Variants in RIC1 observed in about 807,000 individuals in gnomAD.
RIC1 encodes RIC1 partner of RAB6A GEF complex.
Under a neutral mutation model 169.0 loss-of-function variants are expected in RIC1, and 88 were observed. That is an observed-to-expected ratio of 0.52 (90% CI 0.44 to 0.62). The LOEUF is 0.62. Among genes scored for constraint, RIC1 ranks in the 20% least tolerant of loss-of-function variants. The probability of loss-of-function intolerance (pLI) is 0.00; values close to 1 mark genes in which losing one functional copy is unlikely to be tolerated. For synonymous variants in RIC1, 790 were observed against 601.5 expected (o/e 1.31, Z -4.59); for missense variants, 1,877 against 1,725.5 (o/e 1.09, Z -1.56).
chr9:5,674,103 T>C (rs546672082), intron 2 of RIC1, among the ~76,000 whole-genome samples: 1 of 152,234 alleles, frequency 6.6e-6, no homozygotes, highest in East Asian at 1.9e-4. Context: ...TGCTGTAAAA[T>C]ATAAGAGTTT....
chr9:5,740,618 G>T (rs960363024), intron 8 of RIC1, among the ~76,000 whole-genome samples: 1 of 151,142 alleles, frequency 6.6e-6, no homozygotes, highest in East Asian at 1.9e-4. Flanking sequence ...AGGGCAGGAA[G>T]CATCCAGCAC....
rs1037282874 is a variant in RIC1 at position 5,776,511 on chromosome 9, G to C, written c.*2265G>C. 7.9e-5 allele frequency: 12 copies of C among 152,094 alleles called. No homozygotes were observed. The highest frequency in any genetic ancestry group is 2.9e-4 in the African/African-American group (12 of 41,518). 9.4% of individuals were successfully genotyped at this position (152,094 alleles called of 1,614,324 possible). Reference sequence around the variant, plus strand: ...TTAAAGTTGCTGCTATTTCTGTAATGTGTATTTTTCTCCCCTTGGTAAAGG... The same window carrying C: ...TTAAAGTTGCTGCTATTTCTGTAATCTGTATTTTTCTCCCCTTGGTAAAGG... On this transcript the variant is annotated 3_prime_UTR_variant, in exon 26 of 26. Transcript: ENST00000414202.
At chr9:5,750,205 A>G (rs1320424401) in intron 12 of RIC1, among the ~76,000 whole-genome samples, 7 of 151,820 alleles carry the variant, frequency 4.6e-5, no homozygotes, top group African/African-American at 1.7e-4. Context: ...ACAGAACACA[A>G]AGTTTCTAGT....
At chr9:5,670,959 C>G (rs1228692525) in intron 2 of RIC1, among the ~76,000 whole-genome samples, 1 of 152,094 alleles carries the variant, frequency 6.6e-6, no homozygotes, top group Non-Finnish European at 1.5e-5. Context: ...AGGACCAGGA[C>G]CAGTTGGTGG....
chr9:5,654,340 G>T (rs371338105), intron 1 of RIC1, among the ~76,000 whole-genome samples: 24 of 152,044 alleles, frequency 1.6e-4, no homozygotes, highest in South Asian at 1.2e-3. Flanking sequence ...TCTGCCTCCC[G>T]GGTTCAAGCG....
chr9:5,663,515 T>G (rs1475968138), intron 2 of RIC1, among the ~76,000 whole-genome samples: 1 of 152,198 alleles, frequency 6.6e-6, no homozygotes, highest in Non-Finnish European at 1.5e-5. Flanking sequence ...TCCTATACTG[T>G]GTGTGCATAT....
chr9:5,778,004 T>C (rs1284515589), downstream of RIC1, among the ~76,000 whole-genome samples: 3 of 152,152 alleles, frequency 2.0e-5, no homozygotes, highest in Non-Finnish European at 4.4e-5. Context: ...ATAAAGGCAG[T>C]TGGGATTTTC....
rs1382630628 is a variant in RIC1, at chr9:5,775,795, A to C, written c.*1549A>C. On this transcript the variant is annotated 3_prime_UTR_variant, in exon 26 of 26. Coordinates refer to ENST00000414202, the MANE Select transcript of RIC1 (RefSeq NM_020829.4). ...TTACTTTTTACATTACAAGTGCAAT[A>C]ATATTTCACAAAATGAAACTCCCGA... 1 of 152,224 alleles carries C rather than the reference A, an allele frequency of 6.6e-6. No homozygotes were observed. The highest frequency in any genetic ancestry group is 1.5e-5 in the Non-Finnish European group (1 of 68,026). 9.4% of individuals were successfully genotyped at this position (152,224 alleles called of 1,614,324 possible). A position where few individuals can be genotyped will look rare whatever the true frequency, so the allele number is the denominator to read the frequency against.
At chr9:5,652,550 T>C (rs894638762) in intron 1 of RIC1, among the ~76,000 whole-genome samples, 2 of 152,186 alleles carry the variant, frequency 1.3e-5, no homozygotes, top group African/African-American at 2.4e-5. Context: ...TGTATATTGA[T>C]TTTGTATTCT....
rs137928352 is a variant in RIC1, at chr9:5,631,271, C to G, written c.144+1818C>G. On this transcript the variant is annotated intron_variant, in intron 1 of 25. Coordinates refer to ENST00000414202, the MANE Select transcript of RIC1 (RefSeq NM_020829.4). ...CCACCTCACATGCAACTTCCTTTTT[C>G]CACAGAAGTCCAGGGACCCCTACTA... 1.1e-4 allele frequency among the ~76,000 whole-genome samples: 17 copies of G among 152,256 alleles called. No homozygotes were observed. In the East Asian group the frequency reaches 2.1e-3, roughly 19 times the overall value.
In RIC1 at chr9:5,629,166, C is replaced by A. The variant is rs1002834169; in HGVS notation, c.-144C>A. 5.3e-5 allele frequency: 41 copies of A among 775,294 alleles called. No individual in the cohort carries two copies. The East Asian group carries it at 1.5e-3, about 28-fold the overall frequency. 48.0% of individuals were successfully genotyped at this position (775,294 alleles called of 1,614,324 possible). A position where few individuals can be genotyped will look rare whatever the true frequency, so the allele number is the denominator to read the frequency against. ...CGCGCAGCCTTGCGTCGGCCCGGCCCGGCCAGGCCAGCGGGCAGATGCCCC... is the reference window on the plus strand; with the variant it reads ...CGCGCAGCCTTGCGTCGGCCCGGCCAGGCCAGGCCAGCGGGCAGATGCCCC... On this transcript the variant is annotated 5_prime_UTR_variant, in exon 1 of 26. Coordinates refer to ENST00000414202, the MANE Select transcript of RIC1 (RefSeq NM_020829.4).
intron 6 of RIC1, among the ~76,000 whole-genome samples, chr9:5,731,249 C>G (rs1192370714): frequency 6.6e-6 from 1 of 151,988 alleles, no homozygotes; most frequent in Non-Finnish European, 1.5e-5. Context: ...ATGGTAACCA[C>G]CTAGAAAATA....
intron 12 of RIC1, among the ~76,000 whole-genome samples, chr9:5,750,107 T>C (rs989542774): frequency 1.3e-5 from 2 of 151,706 alleles, no homozygotes; most frequent in Non-Finnish European, 2.9e-5. Flanking sequence ...CCAGCCAAGG[T>C]GCTTTTTAAA....
intron 1 of RIC1, among the ~76,000 whole-genome samples, chr9:5,638,238 T>A (rs969286169): frequency 2.6e-5 from 4 of 152,210 alleles, no homozygotes; most frequent in Admixed American, 2.0e-4. Flanking sequence ...TATTGTTGAA[T>A]CTCATTAGCT....
intron 4 of RIC1, chr9:5,719,262 T>G (rs1317333877): frequency 6.6e-6 from 1 of 152,238 alleles, no homozygotes; most frequent in African/African-American, 2.4e-5. Context: ...TCTTCTTGCC[T>G]CCTTTGCACA....
intron 3 of RIC1, among the ~76,000 whole-genome samples, chr9:5,696,012 T>A (rs912286350): frequency 1.7e-4 from 26 of 152,306 alleles, no homozygotes; most frequent in African/African-American, 5.8e-4. Context: ...AACCTTTAAT[T>A]CTTTGTTTCT....
chr9:5,722,873 C>G (rs1337781062), intron 6 of RIC1, among the ~76,000 whole-genome samples: 1 of 152,196 alleles, frequency 6.6e-6, no homozygotes, highest in Non-Finnish European at 1.5e-5. Flanking sequence ...CATGTGCCTA[C>G]AAAGGACATG....
At position 5,773,938 on chromosome 9, in the gene RIC1, T is replaced by G; in HGVS notation, c.3984-20T>G. 1 of 1,541,826 alleles carries G rather than the reference T, an allele frequency of 6.5e-7. No individual in the cohort carries two copies. The highest frequency in any genetic ancestry group is 8.7e-7 in the Non-Finnish European group (1 of 1,146,314). On this transcript the variant is annotated intron_variant, in intron 25 of 25. Coordinates refer to ENST00000414202, the MANE Select transcript of RIC1 (RefSeq NM_020829.4). Reference sequence around the variant, plus strand: ...TTTTGAATTATGGCAGATGAGCTAATGTTTTTTTTCTCTACATAGTCCTGG... The same window carrying G: ...TTTTGAATTATGGCAGATGAGCTAAGGTTTTTTTTCTCTACATAGTCCTGG...
chr9:5,657,369 C>T (rs1586892300), intron 2 of RIC1, among the ~76,000 whole-genome samples: 1 of 152,104 alleles, frequency 6.6e-6, no homozygotes, highest in African/African-American at 2.4e-5. Context: ...TATGCATTAG[C>T]AGTAATATAT....
Sources: gnomAD v4.1 joint callset for allele counts (sites outside exome capture counted in the v4.1 genomes callset) on GRCh38, gnomAD v4.1.1 for gene constraint, MANE v1.5 for transcripts, NCBI Gene and HGNC (gene_info 2026-07-23, HGNC 2026-07-21) for gene names.